IGF2BP2: variants seen among roughly 807,000 people sequenced by gnomAD.
The protein encoded by IGF2BP2 is insulin-like growth factor 2 mRNA-binding protein 2.
In IGF2BP2, 17 loss-of-function variants were observed where a neutral mutation model predicts 75.8. The observed-to-expected ratio is 0.22, with a 90% CI of 0.15 to 0.34. The LOEUF is 0.34. Among genes scored for constraint, IGF2BP2 ranks in the 10% least tolerant of loss-of-function variants. IGF2BP2 has a pLI of 1.00. For missense variants in IGF2BP2, 516 were observed against 772.4 expected, an observed-to-expected ratio of 0.67 and a Z score of 3.93; for synonymous variants, 288 against 295.6, an observed-to-expected ratio of 0.97 and a Z score of 0.26.
At chr3:185,754,767 A>G (rs1254098885) in intron 2 of IGF2BP2, among the ~76,000 whole-genome samples, 1 of 152,220 alleles carries the variant, frequency 6.6e-6, no homozygotes, top group Admixed American at 6.5e-5. Context: ...CACTGTGTTC[A>G]TGTCCTAGGG....
intron 5 of IGF2BP2, among the ~76,000 whole-genome samples, chr3:185,692,223 C>T (rs1321438726): frequency 1.3e-5 from 2 of 152,228 alleles, no homozygotes; most frequent in Admixed American, 6.5e-5. Flanking sequence ...TGGATTCCCT[C>T]CTAATGTTAC....
chr3:185,676,814 T>G (rs994896579), intron 7 of IGF2BP2, among the ~76,000 whole-genome samples: 11 of 144,170 alleles, frequency 7.6e-5, no homozygotes, highest in Middle Eastern at 3.6e-3. Flanking sequence ...TTACTGGAGA[T>G]ATATATATAT....
intron 4 of IGF2BP2, among the ~76,000 whole-genome samples, chr3:185,693,609 A>C (rs1722224674): frequency 6.6e-6 from 1 of 152,216 alleles, no homozygotes; most frequent in African/African-American, 2.4e-5. Context: ...CTTAGATCAT[A>C]ATTTCTTGCC....
intron 2 of IGF2BP2, among the ~76,000 whole-genome samples, chr3:185,749,087 C>T (rs1309867109): frequency 6.6e-6 from 1 of 152,082 alleles, no homozygotes; most frequent in Non-Finnish European, 1.5e-5. Context: ...TTGCTTGAAC[C>T]TGGGAGGCAG....
At chr3:185,783,359 G>A (rs1735451762) in intron 2 of IGF2BP2, among the ~76,000 whole-genome samples, 1 of 152,194 alleles carries the variant, frequency 6.6e-6, no homozygotes, top group Non-Finnish European at 1.5e-5. Flanking sequence ...CAGGGTTACA[G>A]GGAGCTCTGC....
At position 185,644,470 on chromosome 3, in the gene IGF2BP2, G is replaced by T. The variant is rs1287141693; in HGVS notation, c.*1061C>A. 6.6e-6 allele frequency: 1 copy of T among 152,224 alleles called. No homozygotes were observed. Among genetic ancestry groups the T allele is most frequent in the Non-Finnish European group, 1.5e-5 (1 of 67,994 alleles). The allele number at this position is 152,224 out of a possible 1,614,324, so 9.4% of individuals were successfully genotyped here. A position where few individuals can be genotyped will look rare whatever the true frequency, so the allele number is the denominator to read the frequency against. On this transcript the variant is annotated 3_prime_UTR_variant, in exon 16 of 16. Coordinates refer to ENST00000382199, the MANE Select transcript of IGF2BP2 (RefSeq NM_006548.6). Reference sequence around the variant, plus strand: ...GGTTCCTGTTTTCCTCTTCCAAAACGCTAGGACAAGTACCATTGACTCTTG... The same window carrying T: ...GGTTCCTGTTTTCCTCTTCCAAAACTCTAGGACAAGTACCATTGACTCTTG...
chr3:185,824,298 A>G (rs1294782030), intron 1 of IGF2BP2, among the ~76,000 whole-genome samples: 2 of 145,702 alleles, frequency 1.4e-5, no homozygotes, highest in Non-Finnish European at 3.0e-5. Context: ...GAGACGCCAG[A>G]GGGCGAGAGG....
At chr3:185,722,123 A>C in intron 2 of IGF2BP2, 2 of 323,574 alleles carry the variant, frequency 6.2e-6, no homozygotes, top group South Asian at 2.3e-5. Context: ...TTGTAGAGAG[A>C]GTGTCTCACT....
intron 2 of IGF2BP2, among the ~76,000 whole-genome samples, chr3:185,774,688 C>T (rs114608542): frequency 4.7e-4 from 71 of 152,014 alleles, no homozygotes; most frequent in African/African-American, 1.7e-3. Context: ...ATAAGTCTCA[C>T]AGACAGTATA....
chr3:185,746,166 CA>C (rs1730223450), intron 2 of IGF2BP2, among the ~76,000 whole-genome samples: 2 of 152,160 alleles, frequency 1.3e-5, no homozygotes, highest in Non-Finnish European at 2.9e-5. Context: ...CACATATATA[CA>C]AATTCAATTC....
In IGF2BP2 at chr3:185,665,464, A is replaced by AGGAGG. The variant is rs1560251573; in HGVS notation, c.1201-7056_1201-7055insCCTCC. ...GAAGGAGGAGGAGGAGGAGAAGAAG[A>AGGAGG]AGAAGAAGAAGGAGAAGAAGGAGGA... On this transcript the variant is annotated intron_variant, in intron 10 of 15. Transcript: ENST00000382199. Among the ~76,000 whole-genome samples the AGGAGG allele has an allele frequency of 3.6e-4, 29 of 81,458 alleles. 4 individuals are homozygous for AGGAGG. Among genetic ancestry groups the AGGAGG allele is most frequent in the Non-Finnish European group, 5.3e-4 (22 of 41,440 alleles). 53.4% of individuals were successfully genotyped at this position (81,458 alleles called of 152,430 possible). A position where few individuals can be genotyped will look rare whatever the true frequency, so the allele number is the denominator to read the frequency against.
rs530376512 is a variant in IGF2BP2 at position 185,798,169 on chromosome 3, C to A, written c.239+24984G>T. ...TGAGCTGAGATTGCGCCACTGCACT[C>A]CTGGGCAGAAGAGCAAGACTCTGCC... On this transcript the variant is annotated intron_variant, in intron 2 of 15. Coordinates refer to ENST00000382199, the MANE Select transcript of IGF2BP2 (RefSeq NM_006548.6). Among the ~76,000 whole-genome samples the A allele has an allele frequency of 1.5e-3, 221 of 152,178 alleles. 2 individuals are homozygous for A. The highest frequency in any genetic ancestry group is 5.2e-3 in the African/African-American group (215 of 41,526).
chr3:185,691,888 C>T (rs1160448480), intron 5 of IGF2BP2, among the ~76,000 whole-genome samples: 1 of 152,160 alleles, frequency 6.6e-6, no homozygotes, highest in African/African-American at 2.4e-5. Context: ...GTGCAAGCCA[C>T]CATTCCCAGC....
chr3:185,704,046 G>A (rs921470732), intron 2 of IGF2BP2, among the ~76,000 whole-genome samples: 3 of 152,150 alleles, frequency 2.0e-5, no homozygotes, highest in African/African-American at 4.8e-5. Flanking sequence ...GGCAAGAGAG[G>A]CAACATAGAG....
intron 2 of IGF2BP2, among the ~76,000 whole-genome samples, chr3:185,822,394 A>G (rs1741478300): frequency 6.6e-6 from 1 of 152,252 alleles, no homozygotes; most frequent in South Asian, 2.1e-4. Context: ...AAAGTCCACA[A>G]TAAACTTTAA....
At chr3:185,704,715 G>T (rs1375588085) in intron 2 of IGF2BP2, among the ~76,000 whole-genome samples, 1 of 152,156 alleles carries the variant, frequency 6.6e-6, no homozygotes, top group Non-Finnish European at 1.5e-5. Context: ...CTCCCAAAGT[G>T]CTGGGATTAC....
intron 2 of IGF2BP2, among the ~76,000 whole-genome samples, chr3:185,764,451 T>C (rs1359509788): frequency 6.6e-6 from 1 of 152,142 alleles, no homozygotes; most frequent in Non-Finnish European, 1.5e-5. Context: ...AAGCAGAACC[T>C]GAGGGGAAAG....
chr3:185,802,672 C>T (rs149213402), intron 2 of IGF2BP2, among the ~76,000 whole-genome samples: 1 of 152,302 alleles, frequency 6.6e-6, no homozygotes, highest in African/African-American at 2.4e-5. Flanking sequence ...AATTTCAAAA[C>T]CCAATGCAGC....
chr3:185,775,591 T>C (rs946356577), intron 2 of IGF2BP2, among the ~76,000 whole-genome samples: 1 of 152,050 alleles, frequency 6.6e-6, no homozygotes, highest in Non-Finnish European at 1.5e-5. Flanking sequence ...ACCAACAGAA[T>C]AGGAGAGGGA....
Sources: allele counts gnomAD v4.1 joint callset (sites outside exome capture counted in the v4.1 genomes callset), GRCh38; gene constraint gnomAD v4.1.1; transcripts MANE v1.5; gene names NCBI Gene and HGNC (gene_info 2026-07-23, HGNC 2026-07-21).